CDK6: variants seen among roughly 807,000 people sequenced by gnomAD.
CDK6 encodes the protein cyclin dependent kinase 6, also known as cyclin-dependent kinase 6.
Under a neutral mutation model 37.1 loss-of-function variants are expected in CDK6, and 6 were observed. That is an observed-to-expected ratio of 0.16 (90% CI 0.09 to 0.32). CDK6 has a LOEUF of 0.32. CDK6 is among the 10% of genes least tolerant of loss of function. The pLI is 1.00. For missense variants in CDK6, 224 were observed against 418.9 expected (o/e 0.53, Z 4.06); for synonymous variants, 160 against 161.3 (o/e 0.99, Z 0.06).
intron 4 of CDK6, among the ~76,000 whole-genome samples, chr7:92,678,443 G>C (rs180864829): frequency 2.2e-3 from 342 of 152,084 alleles, no homozygotes; most frequent in South Asian, 0.014. Flanking sequence ...GGAAGGCAGG[G>C]GGGAGTTCAA....
chr7:92,706,598 G>A (rs1039055125), intron 4 of CDK6, among the ~76,000 whole-genome samples: 2 of 152,218 alleles, frequency 1.3e-5, no homozygotes, highest in African/African-American at 4.8e-5. Context: ...ATGAAGGTCT[G>A]TGCTCCAGGG....
chr7:92,658,993 A>C (rs893028504), intron 5 of CDK6, among the ~76,000 whole-genome samples: 11 of 152,224 alleles, frequency 7.2e-5, no homozygotes, highest in Non-Finnish European at 1.3e-4. Flanking sequence ...CAGGAGAAGA[A>C]GGCCAGGCAG....
At chr7:92,681,817 C>A (rs1401846065) in intron 4 of CDK6, among the ~76,000 whole-genome samples, 1 of 152,186 alleles carries the variant, frequency 6.6e-6, no homozygotes, top group Non-Finnish European at 1.5e-5. Context: ...TTGTGGAGCA[C>A]TCCATGTGCC....
At chr7:92,666,960 T>C (rs1018916379) in intron 5 of CDK6, among the ~76,000 whole-genome samples, 6 of 152,154 alleles carry the variant, frequency 3.9e-5, no homozygotes, top group Non-Finnish European at 7.3e-5. Context: ...GGCATTGTTA[T>C]CACAGGGGAT....
chr7:92,652,765 C>T (rs1326284103), intron 5 of CDK6, among the ~76,000 whole-genome samples: 1 of 152,208 alleles, frequency 6.6e-6, no homozygotes, highest in Non-Finnish European at 1.5e-5. Context: ...GATGTTGGTT[C>T]TGTGACAGTA....
chr7:92,797,255 G>C (rs1800438129), intron 2 of CDK6, among the ~76,000 whole-genome samples: 1 of 152,054 alleles, frequency 6.6e-6, no homozygotes, highest in African/African-American at 2.4e-5. Flanking sequence ...CCCTCTCCAG[G>C]TTCCATGTCC....
intron 4 of CDK6, among the ~76,000 whole-genome samples, chr7:92,721,807 T>TA (rs1166693389): frequency 4.6e-5 from 7 of 152,346 alleles, no homozygotes; most frequent in African/African-American, 1.7e-4. Flanking sequence ...ATATTCTACT[T>TA]ATGAAACTCG....
At chr7:92,741,402 T>C (rs1798923471) in intron 3 of CDK6, among the ~76,000 whole-genome samples, 1 of 152,236 alleles carries the variant, frequency 6.6e-6, no homozygotes, top group African/African-American at 2.4e-5. Context: ...ATGTGGGACA[T>C]ATTTAAATAA....
At chr7:92,832,508 C>T (rs1019806838) in intron 2 of CDK6, among the ~76,000 whole-genome samples, 2 of 152,308 alleles carry the variant, frequency 1.3e-5, no homozygotes, top group East Asian at 3.8e-4. Flanking sequence ...AGCACTCAAA[C>T]TCCTTAGACC....
At chr7:92,649,690 G>A (rs980984296) in intron 5 of CDK6, among the ~76,000 whole-genome samples, 1 of 152,212 alleles carries the variant, frequency 6.6e-6, no homozygotes, top group Admixed American at 6.5e-5. Context: ...TGAGGCACGG[G>A]TGGTTCTGTC....
At chr7:92,691,590 A>C (rs1263647422) in intron 4 of CDK6, among the ~76,000 whole-genome samples, 1 of 152,206 alleles carries the variant, frequency 6.6e-6, no homozygotes, top group Non-Finnish European at 1.5e-5. Context: ...AGCCAAACAA[A>C]AGTTTAATTT....
At chr7:92,662,012 G>A (rs529634829) in intron 5 of CDK6, among the ~76,000 whole-genome samples, 1 of 152,210 alleles carries the variant, frequency 6.6e-6, no homozygotes, top group South Asian at 2.1e-4. Flanking sequence ...AAGACTAGGG[G>A]AATACAAAGG....
At chr7:92,737,892 A>G (rs1409370546) in intron 3 of CDK6, among the ~76,000 whole-genome samples, 1 of 152,204 alleles carries the variant, frequency 6.6e-6, no homozygotes, top group Non-Finnish European at 1.5e-5. Flanking sequence ...CCTCCTTGAA[A>G]AAGAAAAGAA....
chr7:92,730,708 T>C (rs1034113607), intron 3 of CDK6, among the ~76,000 whole-genome samples: 3 of 152,230 alleles, frequency 2.0e-5, no homozygotes, highest in Non-Finnish European at 2.9e-5. Flanking sequence ...GTGTGTATCA[T>C]AATTTCCTTC....
chr7:92,616,899 G>GT (rs1256888521), intron 7 of CDK6, among the ~76,000 whole-genome samples: 3 of 152,024 alleles, frequency 2.0e-5, no homozygotes, highest in Non-Finnish European at 2.9e-5. Flanking sequence ...TAGAAATATG[G>GT]TTAAAAAAAA....
chr7:92,692,749 C>T (rs1385748293), intron 4 of CDK6, among the ~76,000 whole-genome samples: 1 of 151,650 alleles, frequency 6.6e-6, no homozygotes, highest in Non-Finnish European at 1.5e-5. Context: ...CATCATGCCA[C>T]TGCACTCCAG....
At chr7:92,686,203 G>A (rs925895673) in intron 4 of CDK6, among the ~76,000 whole-genome samples, 1 of 151,988 alleles carries the variant, frequency 6.6e-6, no homozygotes, top group African/African-American at 2.4e-5. Flanking sequence ...GTTCTTTAGC[G>A]GTGATTTCTG....
At position 92,609,973 on chromosome 7, in the gene CDK6, C is replaced by G. The variant is rs2116466067; in HGVS notation, c.*5167G>C. ...GAACATTATAGAGACTATTAATCAT[C>G]CCAAAAAACAAGTGCTAGGAAAGAG... On this transcript the variant is annotated 3_prime_UTR_variant, in exon 8 of 8. Coordinates refer to ENST00000424848, the MANE Select transcript of CDK6 (RefSeq NM_001145306.2). 8.7e-6 allele frequency: 2 copies of G among 229,854 alleles called. No homozygotes were observed. The highest frequency in any genetic ancestry group is 1.2e-4 in the East Asian group (2 of 16,038). The allele number at this position is 229,854 out of a possible 1,614,324, so 14.2% of individuals were successfully genotyped here. A position where few individuals can be genotyped will look rare whatever the true frequency, so the allele number is the denominator to read the frequency against.
chr7:92,639,454 A>G (rs765191893), intron 5 of CDK6, among the ~76,000 whole-genome samples: 6 of 152,212 alleles, frequency 3.9e-5, no homozygotes, highest in Non-Finnish European at 7.3e-5. Context: ...TCCTTCAAGA[A>G]AAGCTTTCTT....
Sources: allele counts gnomAD v4.1 joint callset (sites outside exome capture counted in the v4.1 genomes callset), GRCh38; gene constraint gnomAD v4.1.1; transcripts MANE v1.5; gene names NCBI Gene and HGNC (gene_info 2026-07-23, HGNC 2026-07-21).